Variants in EFNA5 observed in about 807,000 individuals in gnomAD.
EFNA5 encodes ephrin A5.
In EFNA5, 5 loss-of-function variants were observed where a neutral mutation model predicts 22.9. The observed-to-expected ratio is 0.22, with a 90% CI of 0.11 to 0.46. The LOEUF is 0.46. EFNA5 is among the 20% of genes least tolerant of loss of function. The probability of loss-of-function intolerance (pLI) is 0.99; values close to 1 mark genes in which losing one functional copy is unlikely to be tolerated. For missense variants in EFNA5, 237 were observed against 293.3 expected, an observed-to-expected ratio of 0.81 and a Z score of 1.40; for synonymous variants, 113 against 112.2, an observed-to-expected ratio of 1.01 and a Z score of -0.04.
chr5:107,563,568 C>A (rs920142677), intron 1 of EFNA5, among the ~76,000 whole-genome samples: 1 of 151,712 alleles, frequency 6.6e-6, no homozygotes, highest in African/African-American at 2.4e-5. Context: ...TCCTAAGTAG[C>A]TGGGACAACA....
At chr5:107,636,555 A>G (rs1364422575) in intron 1 of EFNA5, among the ~76,000 whole-genome samples, 1 of 152,228 alleles carries the variant, frequency 6.6e-6, no homozygotes, top group East Asian at 1.9e-4. Context: ...AATCTGAAAG[A>G]TGTGTTTGAT....
rs368741624 is a variant in EFNA5, at chr5:107,402,871, G to A, written c.419-15100C>T. On this transcript the variant is annotated intron_variant, in intron 2 of 4. Transcript: ENST00000333274. ...GCCTGAAGTCGTAACCTTTGTGGGA[G>A]GAAAGGAACTGGCCTTGAAGCAGAT... Among the ~76,000 whole-genome samples, 20 of 152,300 alleles carry A rather than the reference G, an allele frequency of 1.3e-4. No homozygotes were observed. In the South Asian group the frequency reaches 3.9e-3, roughly 30 times the overall value.
At chr5:107,500,441 T>C (rs1747106920) in intron 1 of EFNA5, among the ~76,000 whole-genome samples, 1 of 152,226 alleles carries the variant, frequency 6.6e-6, no homozygotes, top group Non-Finnish European at 1.5e-5. Flanking sequence ...CTAGTCCCAC[T>C]GTAAGCTTCA....
intron 1 of EFNA5, among the ~76,000 whole-genome samples, chr5:107,493,693 G>A (rs1746877814): frequency 6.6e-6 from 1 of 152,202 alleles, no homozygotes; most frequent in Non-Finnish European, 1.5e-5. Flanking sequence ...GTTAACTTCA[G>A]TAACTACCTG....
At position 107,427,431 on chromosome 5, in the gene EFNA5, G is replaced by A. The variant is rs760844173; in HGVS notation, c.204C>T (p.Ser68=). The A allele has an allele frequency of 2.5e-6, 4 of 1,613,786 alleles. No homozygotes were observed. Among genetic ancestry groups the A allele is most frequent in the African/African-American group, 2.7e-5 (2 of 74,826 alleles). The stretch of plus-strand genomic sequence containing the variant: ...AGCGCTCAGTCTTATCTTCTGGGAC[G>A]GAGTCCTCATAGTGAGGGCAGAAAA... ...LDVFCPHYED[S]VPEDKTERYV... is the part of the protein sequence containing the mutation. Residue 68 remains serine (S), a synonymous_variant, in exon 2 of 5, where the codon TCC becomes TCT. Transcript: ENST00000333274.
chr5:107,441,375 A>G (rs890699097), intron 1 of EFNA5, among the ~76,000 whole-genome samples: 5 of 152,168 alleles, frequency 3.3e-5, no homozygotes, highest in African/African-American at 4.8e-5. Flanking sequence ...CCTGCCCTGA[A>G]GCATGCACTA....
intron 1 of EFNA5, among the ~76,000 whole-genome samples, chr5:107,491,083 C>T (rs1345331633): frequency 6.6e-6 from 1 of 152,152 alleles, no homozygotes; most frequent in Non-Finnish European, 1.5e-5. Context: ...AATTAGAGAG[C>T]ACATGTGTTA....
At chr5:107,557,156 G>A (rs352606) in intron 1 of EFNA5, among the ~76,000 whole-genome samples, 23,055 of 152,126 alleles carry the variant, frequency 0.15, 1,928 homozygotes, top group Middle Eastern at 0.24. Context: ...TGAACTGTAA[G>A]CTACACAGGG....
intron 1 of EFNA5, among the ~76,000 whole-genome samples, chr5:107,538,600 G>T (rs1474828222): frequency 1.3e-5 from 2 of 152,158 alleles, no homozygotes; most frequent in Admixed American, 6.5e-5. Flanking sequence ...TGACAAGGGG[G>T]GATGAGTAAA....
intron 1 of EFNA5, among the ~76,000 whole-genome samples, chr5:107,519,736 C>A (rs1400459933): frequency 6.6e-6 from 1 of 152,146 alleles, no homozygotes; most frequent in Non-Finnish European, 1.5e-5. Context: ...AAAAAATATG[C>A]AACTGTGCTT....
chr5:107,470,666 C>T (rs1750114736), intron 1 of EFNA5, among the ~76,000 whole-genome samples: 1 of 152,150 alleles, frequency 6.6e-6, no homozygotes. Context: ...AAATTCTTCT[C>T]CCCTTTAATA....
chr5:107,642,311 T>A (rs1395296406), intron 1 of EFNA5, among the ~76,000 whole-genome samples: 1 of 152,134 alleles, frequency 6.6e-6, no homozygotes, highest in Non-Finnish European at 1.5e-5. Flanking sequence ...TACTTCAAAA[T>A]TGCTGAGAGC....
intron 1 of EFNA5, among the ~76,000 whole-genome samples, chr5:107,446,840 A>G (rs976772216): frequency 1.3e-5 from 2 of 152,210 alleles, no homozygotes; most frequent in Non-Finnish European, 2.9e-5. Flanking sequence ...GCACTCACAA[A>G]GAAATCTCAG....
chr5:107,425,465 C>T, intron 2 of EFNA5, among the ~76,000 whole-genome samples: 1 of 152,092 alleles, frequency 6.6e-6, no homozygotes, highest in East Asian at 1.9e-4. Flanking sequence ...AAATGAAGTC[C>T]TCCTCTTTCC....
intron 2 of EFNA5, among the ~76,000 whole-genome samples, chr5:107,422,219 T>C (rs912009741): frequency 1.3e-5 from 2 of 152,226 alleles, no homozygotes; most frequent in African/African-American, 4.8e-5. Context: ...GGAAAAAGAA[T>C]AGTTCTTCGT....
chr5:107,457,438 C>T (rs1004139785), intron 1 of EFNA5, among the ~76,000 whole-genome samples: 4 of 152,148 alleles, frequency 2.6e-5, no homozygotes, highest in Admixed American at 6.6e-5. Context: ...AACCTATGCA[C>T]ATTCTCCTGT....
intron 1 of EFNA5, among the ~76,000 whole-genome samples, chr5:107,510,736 A>G (rs1747351152): frequency 6.6e-6 from 1 of 152,150 alleles, no homozygotes. Context: ...GAACAGCCCA[A>G]TCTTTTTTTA....
chr5:107,538,850 T>C (rs1204631081), intron 1 of EFNA5, among the ~76,000 whole-genome samples: 1 of 152,212 alleles, frequency 6.6e-6, no homozygotes, highest in Non-Finnish European at 1.5e-5. Flanking sequence ...TGGAGGAGAA[T>C]GTGTACCTTT....
chr5:107,425,536 C>T (rs1748789288), intron 2 of EFNA5, among the ~76,000 whole-genome samples: 1 of 152,176 alleles, frequency 6.6e-6, no homozygotes, highest in Non-Finnish European at 1.5e-5. Context: ...AAGTCAAGAA[C>T]ATGCTGCCTG....
Sources: allele counts gnomAD v4.1 joint callset (sites outside exome capture counted in the v4.1 genomes callset), GRCh38; gene constraint gnomAD v4.1.1; transcripts MANE v1.5; gene names NCBI Gene and HGNC (gene_info 2026-07-23, HGNC 2026-07-21).